Variants in ASAP1 observed in about 807,000 individuals in gnomAD.
ASAP1 encodes the protein ArfGAP with SH3 domain, ankyrin repeat and PH domain 1.
Under a neutral mutation model 145.2 loss-of-function variants are expected in ASAP1, and 43 were observed. The ratio of observed to expected loss-of-function variants is 0.30; its 90% CI spans 0.23 to 0.38. The LOEUF (loss-of-function observed/expected upper bound fraction) is 0.38. ASAP1 is among the 10% of genes least tolerant of loss of function. ASAP1 has a pLI of 1.00. For missense variants in ASAP1, 1,018 were observed against 1,355.3 expected, an observed-to-expected ratio of 0.75 and a Z score of 3.91; for synonymous variants, 546 against 515.5, an observed-to-expected ratio of 1.06 and a Z score of -0.80.
intron 8 of ASAP1, among the ~76,000 whole-genome samples, chr8:130,180,395 C>T (rs563684167): frequency 6.6e-6 from 1 of 152,240 alleles, no homozygotes; most frequent in South Asian, 2.1e-4. Flanking sequence ...TCAAACTGGA[C>T]ATATGGTTAA....
chr8:130,410,859 A>G (rs1446350736), intron 1 of ASAP1, among the ~76,000 whole-genome samples: 1 of 152,066 alleles, frequency 6.6e-6, no homozygotes, highest in Non-Finnish European at 1.5e-5. Context: ...AACCTGTGTC[A>G]TCTTCTTTTT....
intron 3 of ASAP1, among the ~76,000 whole-genome samples, chr8:130,308,189 C>G (rs1823110569): frequency 6.6e-6 from 1 of 152,176 alleles, no homozygotes; most frequent in African/African-American, 2.4e-5. Flanking sequence ...AACTTAGATT[C>G]TATAAGCTAA....
chr8:130,215,507 G>T (rs981777603), intron 4 of ASAP1, among the ~76,000 whole-genome samples: 1 of 152,070 alleles, frequency 6.6e-6, no homozygotes, highest in Non-Finnish European at 1.5e-5. Context: ...ACTTTGGGAG[G>T]CCAAGGCGGG....
Position 130,165,026 on chromosome 8 carries a change from T to C in ASAP1, c.909+2510A>G, listed in dbSNP as rs1015145561. ...ACAGCATGAGAAAGGAACAGGCATGTTGTGAAAGATCAATGTATTACTTGT... is the reference window on the plus strand; with the variant it reads ...ACAGCATGAGAAAGGAACAGGCATGCTGTGAAAGATCAATGTATTACTTGT... On this transcript the variant is annotated intron_variant, in intron 11 of 29. Coordinates refer to ENST00000518721, the MANE Select transcript of ASAP1 (RefSeq NM_018482.4). 2.6e-5 allele frequency among the ~76,000 whole-genome samples: 4 copies of C among 152,204 alleles called. No individual in the cohort carries two copies. The East Asian group carries it at 7.7e-4, about 29-fold the overall frequency.
chr8:130,344,324 T>G (rs991913902), intron 3 of ASAP1, among the ~76,000 whole-genome samples: 2 of 152,204 alleles, frequency 1.3e-5, no homozygotes, highest in Non-Finnish European at 2.9e-5. Context: ...GACTGAATAT[T>G]TAATGACACC....
chr8:130,071,048 A>AGAGAGAGAGAGAGAG (rs2097445313), intron 27 of ASAP1, among the ~76,000 whole-genome samples: 1 of 59,326 alleles, frequency 1.7e-5, no homozygotes, highest in Non-Finnish European at 3.2e-5. Context: ...GAGAGAGAGA[A>AGAGAGAGAGAGAGAG]AGCAGAGTTT....
chr8:130,407,860 G>A (rs1182233097), intron 1 of ASAP1, among the ~76,000 whole-genome samples: 2 of 152,180 alleles, frequency 1.3e-5, no homozygotes, highest in Admixed American at 6.5e-5. Context: ...TATAGAGGAT[G>A]TTATAAACTC....
At chr8:130,320,945 C>T (rs928501902) in intron 3 of ASAP1, among the ~76,000 whole-genome samples, 3 of 152,192 alleles carry the variant, frequency 2.0e-5, no homozygotes, top group African/African-American at 7.2e-5. Flanking sequence ...AACTAACGGG[C>T]TAGCCACCTA....
At position 130,240,161 on chromosome 8, in the gene ASAP1, C is replaced by T. The variant is rs140206330; in HGVS notation, c.187-3167G>A. Reference sequence around the variant, plus strand: ...ACCTACTTCCTTTTGTGGGGGGGAGCGGGTACAGTCTCAGAATTTCTGTTC... The same window carrying T: ...ACCTACTTCCTTTTGTGGGGGGGAGTGGGTACAGTCTCAGAATTTCTGTTC... On this transcript the variant is annotated intron_variant, in intron 3 of 29. Transcript: ENST00000518721. Among the ~76,000 whole-genome samples the T allele has an allele frequency of 2.0e-3, 311 of 152,144 alleles. 1 individual carries two copies. The highest frequency in any genetic ancestry group is 7.2e-3 in the African/African-American group (297 of 41,526).
intron 11 of ASAP1, among the ~76,000 whole-genome samples, chr8:130,162,675 G>A (rs971237447): frequency 4.6e-5 from 7 of 152,024 alleles, no homozygotes; most frequent in South Asian, 4.2e-4. Flanking sequence ...AAAATTAGCC[G>A]GGCGTGGTGG....
At chr8:130,088,613 C>T (rs139173488) in intron 25 of ASAP1, among the ~76,000 whole-genome samples, 1 of 152,242 alleles carries the variant, frequency 6.6e-6, no homozygotes, top group East Asian at 1.9e-4. Flanking sequence ...GGGAGCAAAA[C>T]CCTGCTGGAT....
chr8:130,345,061 C>T (rs1430414709), intron 3 of ASAP1, among the ~76,000 whole-genome samples: 4 of 152,120 alleles, frequency 2.6e-5, no homozygotes, highest in Admixed American at 1.3e-4. Flanking sequence ...GTCAAATGAC[C>T]TTTGAGAAAT....
intron 27 of ASAP1, among the ~76,000 whole-genome samples, chr8:130,066,852 C>A (rs75729193): frequency 4.6e-4 from 70 of 152,276 alleles, no homozygotes; most frequent in African/African-American, 1.5e-3. Flanking sequence ...GCCACTGCCC[C>A]CCATTTCAGC....
At chr8:130,096,666 T>G (rs1418176011) in intron 24 of ASAP1, among the ~76,000 whole-genome samples, 2 of 152,218 alleles carry the variant, frequency 1.3e-5, no homozygotes, top group Non-Finnish European at 2.9e-5. Context: ...GTTTACATGT[T>G]AGTTTAGCAT....
chr8:130,082,360 T>G (rs2097482466), intron 25 of ASAP1, among the ~76,000 whole-genome samples: 1 of 152,128 alleles, frequency 6.6e-6, no homozygotes, highest in Non-Finnish European at 1.5e-5. Context: ...CATTTATTTT[T>G]TTTCTTATTT....
intron 27 of ASAP1, among the ~76,000 whole-genome samples, chr8:130,069,926 A>T (rs1564923579): frequency 1.3e-5 from 2 of 152,240 alleles, no homozygotes; most frequent in Admixed American, 6.5e-5. Flanking sequence ...AAGAGAGAGT[A>T]AAATGGTCTG....
rs577992525 is a variant in ASAP1 at position 130,072,839 on chromosome 8, G to T, written c.2701+3509C>A. ...TGTGTGTGTGTGCGCGCGGGGGGGGGCAGTTTTGGGGACTGAGCTCTCACC... is the reference window on the plus strand; with the variant it reads ...TGTGTGTGTGTGCGCGCGGGGGGGGTCAGTTTTGGGGACTGAGCTCTCACC... On this transcript the variant is annotated intron_variant, in intron 27 of 29. Transcript: ENST00000518721. Among the ~76,000 whole-genome samples, 41 of 145,432 alleles carry T rather than the reference G, an allele frequency of 2.8e-4. 1 individual carries two copies. The South Asian group carries it at 8.3e-3, about 30-fold the overall frequency.
At chr8:130,166,878 C>T (rs951866839) in intron 11 of ASAP1, among the ~76,000 whole-genome samples, 9 of 152,206 alleles carry the variant, frequency 5.9e-5, no homozygotes, top group Non-Finnish European at 1.2e-4. Context: ...CAAAATATTT[C>T]CCTGGCAAAT....
chr8:130,217,976 T>A (rs1253783266), intron 4 of ASAP1, among the ~76,000 whole-genome samples: 1 of 152,126 alleles, frequency 6.6e-6, no homozygotes, highest in Non-Finnish European at 1.5e-5. Context: ...TAAAAATTCA[T>A]GGTGCCTGCA....
Sources: allele counts gnomAD v4.1 joint callset (sites outside exome capture counted in the v4.1 genomes callset), GRCh38; gene constraint gnomAD v4.1.1; transcripts MANE v1.5; gene names NCBI Gene and HGNC (gene_info 2026-07-23, HGNC 2026-07-21).